ABHD3: variants seen among roughly 807,000 people sequenced by gnomAD.
ABHD3 encodes the protein phospholipase ABHD3.
ABHD3 carries 46 observed loss-of-function variants against 48.8 expected under a neutral mutation model. The observed-to-expected ratio is 0.94, with a 90% CI of 0.74 to 1.20. ABHD3 has a LOEUF of 1.20. Ranked by LOEUF, ABHD3 falls within the 50% of genes most tolerant of loss-of-function variation. The pLI, the probability that ABHD3 is intolerant of heterozygous loss-of-function variation, is 0.00. For synonymous variants in ABHD3, 192 were observed against 183.7 expected, an observed-to-expected ratio of 1.04 and a Z score of -0.36; for missense variants, 490 against 497.8, an observed-to-expected ratio of 0.98 and a Z score of 0.15.
chr18:21,683,925 G>A lies in ABHD3; in HGVS notation c.550C>T (p.Leu184Phe). 2 of 1,594,686 alleles carry A rather than the reference G, an allele frequency of 1.3e-6. No homozygotes were observed. The highest frequency in any genetic ancestry group is 1.7e-6 in the Non-Finnish European group (2 of 1,169,790). Reference sequence around the variant, plus strand: ...TGTCATTTAAATTTACTTACCAAGAGATTCTCCCCCGCCACTCCTCTGTTG... The same window carrying A: ...TGTCATTTAAATTTACTTACCAAGAAATTCTCCCCCGCCACTCCTCTGTTG... The part of the protein sequence containing the change: ...FNNRGVAGEN[L>F]LTPRTYCCAN... The change falls in exon 4 of 9, where the codon CTC becomes TTC. Residue 184 changes from leucine (L) to phenylalanine (F), a missense_variant. Coordinates refer to ENST00000289119, the MANE Select transcript of ABHD3 (RefSeq NM_138340.5).
In ABHD3 at chr18:21,679,684, A is replaced by G. The variant is rs188002665; in HGVS notation, c.555+4236T>C. Among the ~76,000 whole-genome samples, 585 of 151,654 alleles carry G rather than the reference A, an allele frequency of 3.9e-3. 3 individuals carry two copies. The highest frequency in any genetic ancestry group is 6.9e-3 in the Middle Eastern group (2 of 290). On this transcript the variant is annotated intron_variant, in intron 4 of 8. Coordinates refer to ENST00000289119, the MANE Select transcript of ABHD3 (RefSeq NM_138340.5). ...GCTGGGATTATAGGCATGTGCCACC[A>G]TGCCCGGCTATTTTGTATTTTTAGT... is the stretch of plus-strand genomic sequence containing the variant.
At chr18:21,679,156 T>A (rs931747701) in intron 4 of ABHD3, among the ~76,000 whole-genome samples, 1 of 152,334 alleles carries the variant, frequency 6.6e-6, no homozygotes, top group South Asian at 2.1e-4. Flanking sequence ...TCGCTTACTC[T>A]GGGTCTAAGC....
intron 4 of ABHD3, among the ~76,000 whole-genome samples, chr18:21,674,572 T>C (rs997881294): frequency 2.0e-5 from 3 of 152,174 alleles, no homozygotes; most frequent in African/African-American, 4.8e-5. Flanking sequence ...TTAAAATTTT[T>C]GTTATTATTG....
chr18:21,688,303 C>G lies in ABHD3; in HGVS notation c.510-4338G>C, dbSNP rs908841753. On this transcript the variant is annotated intron_variant, in intron 3 of 8. Transcript: ENST00000289119. ...TCTAAGATTCCCCAAATCTTCAAGT[C>G]TAACAATAGAAATGATAATCAGCAA... Among the ~76,000 whole-genome samples, 15 of 152,148 alleles carry G rather than the reference C, an allele frequency of 9.9e-5. No homozygotes were observed. The South Asian group carries it at 1.2e-3, about 13-fold the overall frequency.
At chr18:21,670,208 G>A (rs1209880467) in intron 4 of ABHD3, among the ~76,000 whole-genome samples, 1 of 152,080 alleles carries the variant, frequency 6.6e-6, no homozygotes, top group Non-Finnish European at 1.5e-5. Flanking sequence ...AGGCTCCGAT[G>A]GCTAGAGAAG....
intron 4 of ABHD3, 111 bp downstream of exon 4, chr18:21,683,809 G>A: frequency 9.5e-7 from 1 of 1,058,106 alleles, no homozygotes; most frequent in Non-Finnish European, 1.3e-6. Context: ...TAATAAATTT[G>A]TATTGCTTAC....
intron 4 of ABHD3, among the ~76,000 whole-genome samples, chr18:21,671,745 G>A (rs1270002938): frequency 1.3e-5 from 2 of 152,146 alleles, no homozygotes; most frequent in African/African-American, 4.8e-5. Context: ...AGCCAAGGTT[G>A]TTTAAATTAT....
At chr18:21,677,100 T>A (rs553037997) in intron 4 of ABHD3, among the ~76,000 whole-genome samples, 41 of 152,322 alleles carry the variant, frequency 2.7e-4, no homozygotes, top group Admixed American at 9.2e-4. Context: ...CTATTTTGAA[T>A]ATTTCATATA....
intron 3 of ABHD3, among the ~76,000 whole-genome samples, chr18:21,700,587 A>G (rs962457491): frequency 3.3e-5 from 5 of 151,136 alleles, no homozygotes; most frequent in African/African-American, 1.2e-4. Context: ...TTTAGTAGAG[A>G]CGAGGTTTCA....
intron 8 of ABHD3, among the ~76,000 whole-genome samples, chr18:21,655,721 T>A (rs571469015): frequency 1.4e-4 from 21 of 150,620 alleles, no homozygotes; most frequent in African/African-American, 4.6e-4. Context: ...GCACCTGTAA[T>A]CCCAGCTACT....
intron 2 of ABHD3, among the ~76,000 whole-genome samples, chr18:21,702,856 A>C (rs1380279178): frequency 6.6e-6 from 1 of 152,222 alleles, no homozygotes; most frequent in African/African-American, 2.4e-5. Flanking sequence ...TAAAATGCTG[A>C]TCTAATCTCT....
chr18:21,687,613 T>C (rs997411785), intron 3 of ABHD3, among the ~76,000 whole-genome samples: 2 of 152,212 alleles, frequency 1.3e-5, no homozygotes, highest in Non-Finnish European at 2.9e-5. Flanking sequence ...CTGCAAAGCA[T>C]ATTTTTCCTA....
chr18:21,695,354 T>G (rs1168116168), intron 3 of ABHD3, among the ~76,000 whole-genome samples: 1 of 152,172 alleles, frequency 6.6e-6, no homozygotes, highest in East Asian at 1.9e-4. Flanking sequence ...AAGCTTCCCT[T>G]GCAGCCAAGA....
Position 21,680,180 on chromosome 18 carries a change from A to AT in ABHD3, c.555+3739dup, listed in dbSNP as rs1182054503. Among the ~76,000 whole-genome samples, 3 of 150,592 alleles carry AT rather than the reference A, an allele frequency of 2.0e-5. No individual in the cohort carries two copies. The East Asian group carries it at 6.0e-4, about 30-fold the overall frequency. ...AGGTATGTGTCACTACACCTGGCTA[A>AT]TTTTTTTGTATTTTTAGTAGAGACA... is the stretch of plus-strand genomic sequence containing the variant. On this transcript the variant is annotated intron_variant, in intron 4 of 8. Coordinates refer to ENST00000289119, the MANE Select transcript of ABHD3 (RefSeq NM_138340.5).
intron 3 of ABHD3, among the ~76,000 whole-genome samples, chr18:21,691,034 A>G (rs1418808527): frequency 6.6e-6 from 1 of 151,742 alleles, no homozygotes; most frequent in Non-Finnish European, 1.5e-5. Context: ...AGATCTAACT[A>G]CATGCTATCT....
chr18:21,666,095 A>G (rs941710881), intron 4 of ABHD3, among the ~76,000 whole-genome samples: 1 of 151,998 alleles, frequency 6.6e-6, no homozygotes, highest in African/African-American at 2.4e-5. Flanking sequence ...GCAGTGGCAC[A>G]ATCTCAGCTC....
At chr18:21,678,310 A>G (rs2039933196) in intron 4 of ABHD3, among the ~76,000 whole-genome samples, 2 of 152,166 alleles carry the variant, frequency 1.3e-5, no homozygotes, top group South Asian at 2.1e-4. Flanking sequence ...TCTGGGTCAT[A>G]TGGTAACTCT....
chr18:21,683,799 T>C, intron 4 of ABHD3, 121 bp downstream of exon 4: 1 of 979,778 alleles, frequency 1.0e-6, no homozygotes, highest in Non-Finnish European at 1.4e-6. Flanking sequence ...TATTTTTGTA[T>C]AATAAATTTG....
At chr18:21,659,828 C>T (rs1266494759) in intron 5 of ABHD3, among the ~76,000 whole-genome samples, 1 of 152,058 alleles carries the variant, frequency 6.6e-6, no homozygotes. Flanking sequence ...ATCACCACGC[C>T]CCGGTAATTT....
Sources: allele counts gnomAD v4.1 joint callset (sites outside exome capture counted in the v4.1 genomes callset), GRCh38; gene constraint gnomAD v4.1.1; transcripts MANE v1.5; gene names NCBI Gene and HGNC (gene_info 2026-07-23, HGNC 2026-07-21).